The following IRAG1 variants were observed in gnomAD, a reference collection of about 807,000 sequenced individuals.
The protein encoded by IRAG1 is inositol 1,4,5-triphosphate receptor associated 1, also known as IP3R-associated cGMP kinase substrate.
Under a neutral mutation model 106.2 loss-of-function variants are expected in IRAG1, and 62 were observed. The ratio of observed to expected loss-of-function variants is 0.58; its 90% CI spans 0.48 to 0.72. The LOEUF (loss-of-function observed/expected upper bound fraction) is 0.72. Ranked by LOEUF, IRAG1 falls within the 30% of genes least tolerant of loss-of-function variation. IRAG1 has a pLI of 0.00. For missense variants in IRAG1, 1,064 were observed against 1,140.7 expected, an observed-to-expected ratio of 0.93 and a Z score of 0.97; for synonymous variants, 462 against 443.9, an observed-to-expected ratio of 1.04 and a Z score of -0.51.
intron 2 of IRAG1, among the ~76,000 whole-genome samples, chr11:10,650,362 A>G (rs1215532625): frequency 6.6e-6 from 1 of 152,246 alleles, no homozygotes; most frequent in Admixed American, 6.5e-5. Flanking sequence ...CACTGACAGC[A>G]GGGGTGCATC....
Position 10,575,973 on chromosome 11 carries a change from C to T in IRAG1, c.*359G>A, listed in dbSNP as rs1037521583. The T allele has an allele frequency of 8.1e-6, 2 of 245,794 alleles. No homozygotes were observed. Among genetic ancestry groups the T allele is most frequent in the Admixed American group, 4.8e-5 (1 of 20,918 alleles). 15.2% of individuals were successfully genotyped at this position (245,794 alleles called of 1,614,324 possible). A position where few individuals can be genotyped will look rare whatever the true frequency, so the allele number is the denominator to read the frequency against. On this transcript the variant is annotated 3_prime_UTR_variant, in exon 21 of 21. Coordinates refer to ENST00000423302, the MANE Select transcript of IRAG1 (RefSeq NM_130385.4). ...AAAGAGAGTAAGTTTTTTACTGCCC[C>T]CTACCTCCTCCTCCCCCGTGCCCCG...
At chr11:10,681,769 T>A (rs1861278516) in intron 1 of IRAG1, among the ~76,000 whole-genome samples, 1 of 152,218 alleles carries the variant, frequency 6.6e-6, no homozygotes, top group African/African-American at 2.4e-5. Context: ...CTGGAAGACC[T>A]TGACTGCCCT....
chr11:10,663,154 G>A (rs1859525173), intron 1 of IRAG1, among the ~76,000 whole-genome samples: 1 of 152,172 alleles, frequency 6.6e-6, no homozygotes, highest in African/African-American at 2.4e-5. Context: ...TATTGCCTTG[G>A]ATTCTTTAGA....
chr11:10,619,192 A>C (rs1855654152), intron 10 of IRAG1, among the ~76,000 whole-genome samples: 1 of 152,240 alleles, frequency 6.6e-6, no homozygotes, highest in Non-Finnish European at 1.5e-5. Flanking sequence ...GTTCCTGAGA[A>C]GGGAACTGAT....
In IRAG1 at chr11:10,606,744, C is replaced by T. The variant is rs748478401; in HGVS notation, c.1600G>A (p.Glu534Lys). Residue 534 changes from glutamate to lysine, a missense_variant and splice_region_variant, in exon 12 of 21, where the codon GAG (glutamate) becomes AAG (lysine). Physicochemically the swap from Glu to Lys is moderately conservative, Grantham distance 56. Transcript: ENST00000423302. ...CATAACACACTTGAGTCACTTACCTCAACTTCCTTTTCAGTGAGTGGAGGG... is the reference window on the plus strand; with the variant it reads ...CATAACACACTTGAGTCACTTACCTTAACTTCCTTTTCAGTGAGTGGAGGG... Reference protein sequence around the residue: ...SAPPLTEKEVENVFVQLSLAF... With the variant: ...SAPPLTEKEVKNVFVQLSLAF... 1.3e-6 allele frequency: 2 copies of T among 1,595,398 alleles called. No individual in the cohort carries two copies. The highest frequency in any genetic ancestry group is 3.5e-5 in the Admixed American group (2 of 57,186).
rs905150579 is a variant in IRAG1, at chr11:10,600,781, C to T, written c.2017+137G>A. 35 of 1,174,848 alleles carry T rather than the reference C, an allele frequency of 3.0e-5. No homozygotes were observed. The African/African-American group carries it at 5.3e-4, about 18-fold the overall frequency. The allele number at this position is 1,174,848 out of a possible 1,614,324, so 72.8% of individuals were successfully genotyped here. On this transcript the variant is annotated intron_variant, in intron 15 of 20. Coordinates refer to ENST00000423302, the MANE Select transcript of IRAG1 (RefSeq NM_130385.4). ...CACTGAAGCAGCTGCTGGGAGGCCC[C>T]TGTGGGCAGCACTAGACAGGAGTGC...
intron 1 of IRAG1, chr11:10,690,363 A>T: frequency 7.9e-7 from 1 of 1,273,748 alleles, no homozygotes; most frequent in African/African-American, 1.6e-5. Context: ...ACAGTGCGAG[A>T]CCCTGTCTAA....
rs1804587786 is a variant in IRAG1 at position 10,665,602 on chromosome 11, C to A, written c.68-13420G>T. 6.6e-6 allele frequency among the ~76,000 whole-genome samples: 1 copy of A among 152,196 alleles called. No homozygotes were observed. Among genetic ancestry groups the A allele is most frequent in the African/African-American group, 2.4e-5 (1 of 41,424 alleles). On this transcript the variant is annotated intron_variant, in intron 1 of 20. Coordinates refer to ENST00000423302, the MANE Select transcript of IRAG1 (RefSeq NM_130385.4). The surrounding 1 kb of genome is among the most constrained non-coding windows in gnomAD (Gnocchi z 4.2). ...TCTCAACCCTCCCCAGAAGAGCAGA[C>A]CCCAAGACCGGGACAATGATTGGCT...
chr11:10,622,317 G>A (rs1401970794), intron 10 of IRAG1, among the ~76,000 whole-genome samples: 1 of 152,118 alleles, frequency 6.6e-6, no homozygotes, highest in African/African-American at 2.4e-5. Context: ...GAGGCACAGA[G>A]GCTAGAGGGT....
intron 1 of IRAG1, among the ~76,000 whole-genome samples, chr11:10,675,525 C>T (rs533338936): frequency 1.1e-3 from 163 of 152,278 alleles, no homozygotes; most frequent in African/African-American, 3.6e-3. Flanking sequence ...CTAACAATGA[C>T]GACTGGGGAA....
chr11:10,663,179 TAAAA>T (rs1235948241), intron 1 of IRAG1, among the ~76,000 whole-genome samples: 2 of 151,874 alleles, frequency 1.3e-5, no homozygotes, highest in Non-Finnish European at 2.9e-5. Context: ...TTGTTCCAAA[TAAAA>T]ATAAAGCTTC....
chr11:10,674,932 A>G (rs1180393988), intron 1 of IRAG1, among the ~76,000 whole-genome samples: 1 of 152,258 alleles, frequency 6.6e-6, no homozygotes, highest in East Asian at 1.9e-4. Flanking sequence ...ATGGGGGTTC[A>G]TCCCCTCATA....
chr11:10,637,809 AG>A (rs974850453), intron 2 of IRAG1, among the ~76,000 whole-genome samples: 3 of 152,058 alleles, frequency 2.0e-5, no homozygotes, highest in Non-Finnish European at 1.5e-5. Flanking sequence ...AGTATTCACA[AG>A]GGCTGGGGAG....
intron 10 of IRAG1, among the ~76,000 whole-genome samples, chr11:10,615,631 AG>A (rs1438085278): frequency 6.6e-6 from 1 of 152,152 alleles, no homozygotes; most frequent in East Asian, 1.9e-4. Context: ...TGTCCTTTGT[AG>A]GGACATGGAT....
chr11:10,648,182 G>A lies in IRAG1; in HGVS notation c.225+3843C>T, dbSNP rs554905495. Among the ~76,000 whole-genome samples the A allele has an allele frequency of 2.6e-5, 4 of 152,240 alleles. No homozygotes were observed. The South Asian group carries it at 6.2e-4, about 24-fold the overall frequency. On this transcript the variant is annotated intron_variant, in intron 2 of 20. Transcript: ENST00000423302. ...AGTTTGAGACCAGCCTGGCCAACAC[G>A]GCGAAACCCCATATCTACTAAAAAT...
At chr11:10,583,603 G>T (rs1301229823) in intron 18 of IRAG1, among the ~76,000 whole-genome samples, 1 of 152,214 alleles carries the variant, frequency 6.6e-6, no homozygotes, top group Non-Finnish European at 1.5e-5. Context: ...GAGTAGGAAG[G>T]AGAGTAGAGG....
chr11:10,619,651 C>T (rs1351811126), intron 10 of IRAG1, among the ~76,000 whole-genome samples: 1 of 152,194 alleles, frequency 6.6e-6, no homozygotes, highest in East Asian at 1.9e-4. Flanking sequence ...AAATGTATGC[C>T]AGGTTCCTGC....
intron 1 of IRAG1, chr11:10,687,637 C>A: frequency 8.0e-7 from 1 of 1,245,252 alleles, no homozygotes; most frequent in South Asian, 1.4e-5. Context: ...TCCTTAAAGA[C>A]TTCACCAGAC....
At chr11:10,691,559 T>G (rs763817878) in intron 1 of IRAG1, among the ~76,000 whole-genome samples, 25 of 152,242 alleles carry the variant, frequency 1.6e-4, no homozygotes, top group Non-Finnish European at 3.2e-4. Context: ...AGGTTTCACA[T>G]GGCCCTAACT....
Sources: allele counts gnomAD v4.1 joint callset (sites outside exome capture counted in the v4.1 genomes callset), GRCh38; gene constraint gnomAD v4.1.1; non-coding constraint Gnocchi (gnomAD v3.1); transcripts MANE v1.5; gene names NCBI Gene and HGNC (gene_info 2026-07-23, HGNC 2026-07-21).